Variants in SMG5 observed in about 807,000 individuals in gnomAD.
SMG5 encodes SMG5 nonsense mediated mRNA decay factor, also known as nonsense-mediated mRNA decay factor SMG5.
In SMG5, 53 loss-of-function variants were observed where a neutral mutation model predicts 122.9. The observed-to-expected ratio is 0.43, with a 90% CI of 0.35 to 0.54. The LOEUF (loss-of-function observed/expected upper bound fraction) is 0.54, where lower values mean the gene tolerates loss of function less well. Ranked by LOEUF, SMG5 falls within the 20% of genes least tolerant of loss-of-function variation. The pLI, the probability that SMG5 is intolerant of heterozygous loss-of-function variation, is 0.01. For synonymous variants in SMG5, 477 were observed against 490.2 expected (o/e 0.97, Z 0.35); for missense variants, 1,153 against 1,285.6 (o/e 0.90, Z 1.58).
chr1:156,291,461 C>T, the SMG5 span: 1 of 1,613,858 alleles, frequency 6.2e-7, no homozygotes, highest in Non-Finnish European at 8.5e-7. Context: ...TCTGCCACTG[C>T]TGTCGATGCT....
upstream of SMG5, chr1:156,285,803 G>A (rs145665969): frequency 6.2e-7 from 1 of 1,613,700 alleles, no homozygotes; most frequent in Non-Finnish European, 8.5e-7. Context: ...CGGGAGCTGT[G>A]GAGACCGTGA....
intron 7 of SMG5, among the ~76,000 whole-genome samples, chr1:156,269,468 T>C (rs1383813730): frequency 6.6e-6 from 1 of 152,078 alleles, no homozygotes; most frequent in Non-Finnish European, 1.5e-5. Flanking sequence ...GGCTCATCTG[T>C]ACTGGGATCT....
At chr1:156,264,336 A>G (rs1318807878) in intron 12 of SMG5, among the ~76,000 whole-genome samples, 2 of 151,670 alleles carry the variant, frequency 1.3e-5, no homozygotes, top group African/African-American at 2.4e-5. Context: ...GCAAGTGAGA[A>G]CACTGGACAG....
intron 12 of SMG5, among the ~76,000 whole-genome samples, chr1:156,264,501 C>T (rs1011886454): frequency 1.3e-5 from 2 of 152,082 alleles, no homozygotes; most frequent in Non-Finnish European, 2.9e-5. Context: ...AGTTCAGACT[C>T]TAACTGGGGA....
At chr1:156,258,358 A>T (rs993383244) in intron 16 of SMG5, among the ~76,000 whole-genome samples, 3 of 152,254 alleles carry the variant, frequency 2.0e-5, no homozygotes, top group African/African-American at 7.2e-5. Flanking sequence ...CATAAAGTGG[A>T]TTCTGTTTGT....
Position 156,282,756 on chromosome 1 carries a change from G to T in SMG5, c.-76C>A. ...ACTACCGCCAACACTGCCGTCTCCGGCCGTAGCCGCAGCCGCCGCCGCCAC... is the reference window on the plus strand; with the variant it reads ...ACTACCGCCAACACTGCCGTCTCCGTCCGTAGCCGCAGCCGCCGCCGCCAC... On this transcript the variant is annotated 5_prime_UTR_variant, in exon 1 of 22. Coordinates refer to ENST00000361813, the MANE Select transcript of SMG5 (RefSeq NM_015327.3). 6.9e-7 allele frequency: 1 copy of T among 1,455,734 alleles called. No individual in the cohort carries two copies. The highest frequency in any genetic ancestry group is 9.2e-7 in the Non-Finnish European group (1 of 1,090,544). The allele number at this position is 1,455,734 out of a possible 1,614,324, so 90.2% of individuals were successfully genotyped here. A position where few individuals can be genotyped will look rare whatever the true frequency, so the allele number is the denominator to read the frequency against.
At chr1:156,258,960 G>A (rs1260595089) in intron 16 of SMG5, 45 bp downstream of exon 16, 1 of 1,608,954 alleles carries the variant, frequency 6.2e-7, no homozygotes, top group Non-Finnish European at 8.5e-7. Flanking sequence ...TTCTCAGTGA[G>A]CCCAATGGGA....
intron 2 of SMG5, among the ~76,000 whole-genome samples, chr1:156,278,459 C>T (rs2101571202): frequency 6.6e-6 from 1 of 151,178 alleles, no homozygotes; most frequent in South Asian, 2.1e-4. Flanking sequence ...AACCTCTGGG[C>T]TCAAATGATC....
At chr1:156,279,897 G>C (rs1406884661) in intron 1 of SMG5, among the ~76,000 whole-genome samples, 1 of 152,118 alleles carries the variant, frequency 6.6e-6, no homozygotes, top group East Asian at 1.9e-4. Context: ...TCAAATCTTA[G>C]CTCTACTTCT....
chr1:156,286,036 G>A, upstream of SMG5: 8 of 1,561,662 alleles, frequency 5.1e-6, no homozygotes, highest in Non-Finnish European at 6.9e-6. Flanking sequence ...AGGAGGGCAG[G>A]GCCTGGCTGG....
chr1:156,267,065 C>T (rs890632320), intron 10 of SMG5, among the ~76,000 whole-genome samples: 1 of 152,196 alleles, frequency 6.6e-6, no homozygotes, highest in African/African-American at 2.4e-5. Flanking sequence ...AGAGCCTTCA[C>T]ATCCAGTCCT....
chr1:156,263,587 T>C lies in SMG5; in HGVS notation c.1856-17A>G. On this transcript the variant is annotated splice_polypyrimidine_tract_variant and intron_variant, in intron 12 of 21. Transcript: ENST00000361813. ...CCTCAGAGGCTGGGGGGTGGGTGAA[T>C]GGAAGAGAAAAAAACTGGGATAAAC... The C allele has an allele frequency of 6.2e-7, 1 of 1,608,184 alleles. No individual in the cohort carries two copies. Among genetic ancestry groups the C allele is most frequent in the Non-Finnish European group, 8.5e-7 (1 of 1,176,476 alleles).
chr1:156,253,648 A>G (rs1661454661), intron 16 of SMG5, 140 bp from the exon 17 acceptor site: 5 of 757,968 alleles, frequency 6.6e-6, no homozygotes, highest in Non-Finnish European at 1.2e-5. Context: ...GAATGAGGGG[A>G]GGAGAGGCAT....
chr1:156,285,197 T>C (rs192228711), upstream of SMG5: 4,825 of 1,517,038 alleles, frequency 3.2e-3, 12 homozygotes, highest in Non-Finnish European at 3.8e-3. Context: ...GACATGACCT[T>C]GTGGTAGATC....
At chr1:156,268,069 G>T in intron 9 of SMG5, 46 bp downstream of exon 9, 1 of 1,593,784 alleles carries the variant, frequency 6.3e-7, no homozygotes, top group Non-Finnish European at 8.6e-7. Context: ...AAGCATCATG[G>T]CTGGGGCTCA....
At chr1:156,252,639 C>T in intron 18 of SMG5, 135 bp from the exon 19 acceptor site, 1 of 905,012 alleles carries the variant, frequency 1.1e-6, no homozygotes, top group Non-Finnish European at 1.7e-6. Context: ...AGAGGGCTCC[C>T]AAAGTTCTCT....
intron 14 of SMG5, 38 bp from the exon 15 acceptor site, chr1:156,260,664 T>C (rs779512441): frequency 7.5e-6 from 11 of 1,463,264 alleles, no homozygotes; most frequent in Middle Eastern, 1.9e-4. Context: ...ATCTGTCCTG[T>C]GGGAACTCCC....
At chr1:156,290,364 T>TAAGAAAAAAATAA in the SMG5 span, 3 of 151,830 alleles carry the variant, frequency 2.0e-5, no homozygotes, top group African/African-American at 7.3e-5. Flanking sequence ...CACTGGTCTT[T>TAAGAAAAAAATAA]AAGAAAAAAA....
upstream of SMG5, chr1:156,286,346 C>T (rs762551106): frequency 6.8e-6 from 11 of 1,614,058 alleles, no homozygotes; most frequent in East Asian, 6.7e-5. Context: ...GATCCACCGG[C>T]GATATGTGGC....
Sources: allele counts gnomAD v4.1 joint callset (sites outside exome capture counted in the v4.1 genomes callset), GRCh38; gene constraint gnomAD v4.1.1; transcripts MANE v1.5; gene names NCBI Gene and HGNC (gene_info 2026-07-23, HGNC 2026-07-21).